HFM1: variants seen among roughly 807,000 people sequenced by gnomAD.
HFM1 encodes the protein helicase for meiosis 1, also known as probable ATP-dependent DNA helicase HFM1.
Under a neutral mutation model 192.1 loss-of-function variants are expected in HFM1, and 169 were observed. The observed-to-expected ratio is 0.88, with a 90% CI of 0.78 to 1.00. HFM1 has a LOEUF of 1.00. Among genes scored for constraint, HFM1 ranks in the 50% least tolerant of loss-of-function variants. HFM1 has a pLI of 0.00. For synonymous variants in HFM1, 525 were observed against 537.8 expected, an observed-to-expected ratio of 0.98 and a Z score of 0.33; for missense variants, 1,661 against 1,668.0, an observed-to-expected ratio of 1.00 and a Z score of 0.07.
rs761574317 is a variant in HFM1, at chr1:91,378,150, T to G, written c.1270A>C (p.Thr424Pro). 1 of 1,607,268 alleles carries G rather than the reference T, an allele frequency of 6.2e-7. No homozygotes were observed. The highest frequency in any genetic ancestry group is 1.3e-5 in the African/African-American group (1 of 74,578). Residue 424 changes from threonine to proline, a missense_variant, in exon 11 of 39, where the codon ACT becomes CCT. Transcript: ENST00000370425. ...HIVKDENRGP[T>P]LEVVVSRMKT... is the part of the protein sequence containing the mutation. ...ATTCTGCTAACTACAACTTCAAGAG[T>G]TGGACCACGATTTTCATCTTTTACA...
chr1:91,265,114 C>T (rs867730899), intron 36 of HFM1, among the ~76,000 whole-genome samples: 11 of 152,282 alleles, frequency 7.2e-5, no homozygotes, highest in Admixed American at 1.3e-4. Flanking sequence ...CCACTCCCTA[C>T]GATTCACTCT....
intron 28 of HFM1, among the ~76,000 whole-genome samples, chr1:91,315,197 A>G (rs1651020925): frequency 6.6e-6 from 1 of 152,320 alleles, no homozygotes; most frequent in Non-Finnish European, 1.5e-5. Flanking sequence ...TCTCATACAA[A>G]TATTAAATAA....
chr1:91,390,266 T>C (rs564941213), intron 4 of HFM1, among the ~76,000 whole-genome samples: 1 of 151,952 alleles, frequency 6.6e-6, no homozygotes, highest in South Asian at 2.1e-4. Context: ...TGAAATTCCG[T>C]CTCTACTAAA....
At chr1:91,317,209 G>A (rs1326763762) in intron 25 of HFM1, among the ~76,000 whole-genome samples, 2 of 152,126 alleles carry the variant, frequency 1.3e-5, no homozygotes, top group Non-Finnish European at 2.9e-5. Context: ...GAGGTCGGGA[G>A]TTCGAGACCA....
At chr1:91,382,741 G>A (rs948554496) in intron 6 of HFM1, among the ~76,000 whole-genome samples, 1 of 152,140 alleles carries the variant, frequency 6.6e-6, no homozygotes, top group Non-Finnish European at 1.5e-5. Context: ...TTCACAAAAT[G>A]AATCTTTGAT....
At chr1:91,407,001 A>G (rs376838512), upstream of HFM1, among the ~76,000 whole-genome samples, 7 of 152,184 alleles carry the variant, frequency 4.6e-5, no homozygotes, top group South Asian at 6.2e-4. Context: ...TCCCACTAGA[A>G]GGCGCGCTTT....
intron 13 of HFM1, among the ~76,000 whole-genome samples, chr1:91,363,233 G>A (rs1274196757): frequency 6.6e-6 from 1 of 151,968 alleles, no homozygotes; most frequent in Non-Finnish European, 1.5e-5. Flanking sequence ...AATATCATGA[G>A]AGTAAATAGA....
chr1:91,370,279 C>A (rs1251083307), intron 13 of HFM1, among the ~76,000 whole-genome samples: 1 of 152,008 alleles, frequency 6.6e-6, no homozygotes, highest in Non-Finnish European at 1.5e-5. Flanking sequence ...CTGGCAGAGA[C>A]ACAACAAAAA....
intron 30 of HFM1, among the ~76,000 whole-genome samples, chr1:91,297,855 A>G (rs1647919193): frequency 6.6e-6 from 1 of 152,226 alleles, no homozygotes; most frequent in Non-Finnish European, 1.5e-5. Flanking sequence ...ACAGAGCAGA[A>G]AAACTGGAAA....
In HFM1 at chr1:91,264,363, T is replaced by TTTTTTTTTTTTTTTTTG. The variant is rs1665498458; in HGVS notation, c.3974+1653_3974+1654insCAAAAAAAAAAAAAAAA. Among the ~76,000 whole-genome samples the TTTTTTTTTTTTTTTTTG allele has an allele frequency of 2.9e-4, 14 of 48,508 alleles. No individual in the cohort carries two copies. The East Asian group carries it at 5.2e-3, about 18-fold the overall frequency. The allele number at this position is 48,508 out of a possible 152,430, so 31.8% of individuals were successfully genotyped here. A position where few individuals can be genotyped will look rare whatever the true frequency, so the allele number is the denominator to read the frequency against. ...CCAAGGGATACCACAAATTTAGTAT[T>TTTTTTTTTTTTTTTTTG]TTTTTTTTTTTTTTTTTTTTTTTTT... On this transcript the variant is annotated intron_variant, in intron 36 of 38. Coordinates refer to ENST00000370425, the MANE Select transcript of HFM1 (RefSeq NM_001017975.6).
Position 91,301,431 on chromosome 1 carries a change from T to A in HFM1, c.3391+11918A>T, listed in dbSNP as rs1308956507. On this transcript the variant is annotated intron_variant, in intron 30 of 38. Coordinates refer to ENST00000370425, the MANE Select transcript of HFM1 (RefSeq NM_001017975.6). ...CTTTCTTCACAGAATTGGAAAAAACTACTTTAAAGTTCACATGGAACCGAA... is the reference window on the plus strand; with the variant it reads ...CTTTCTTCACAGAATTGGAAAAAACAACTTTAAAGTTCACATGGAACCGAA... 1.8e-4 allele frequency among the ~76,000 whole-genome samples: 18 copies of A among 97,870 alleles called. 1 individual carries two copies. The highest frequency in any genetic ancestry group is 7.1e-4 in the African/African-American group (18 of 25,300). 64.2% of individuals were successfully genotyped at this position (97,870 alleles called of 152,430 possible). A position where few individuals can be genotyped will look rare whatever the true frequency, so the allele number is the denominator to read the frequency against.
In HFM1 at chr1:91,319,033, A is replaced by C. The variant is rs900491400; in HGVS notation, c.2812+45T>G. On this transcript the variant is annotated intron_variant, in intron 25 of 38. Transcript: ENST00000370425. ...ATTTTACTAACAGTGAATACAAAATAAATTGCAGACATGGCCAAACTGCCT... is the reference window on the plus strand; with the variant it reads ...ATTTTACTAACAGTGAATACAAAATCAATTGCAGACATGGCCAAACTGCCT... 6 of 1,534,502 alleles carry C rather than the reference A, an allele frequency of 3.9e-6. No homozygotes were observed. The Admixed American group carries it at 1.3e-4, about 34-fold the overall frequency.
intron 36 of HFM1, among the ~76,000 whole-genome samples, chr1:91,264,600 C>G (rs1454156120): frequency 6.6e-6 from 1 of 151,082 alleles, no homozygotes; most frequent in East Asian, 1.9e-4. Flanking sequence ...GTCTCGATCT[C>G]CTGACCTCGT....
chr1:91,347,299 A>G (rs1656269169), intron 19 of HFM1, 130 bp downstream of exon 19: 1 of 473,226 alleles, frequency 2.1e-6, no homozygotes, highest in African/African-American at 2.0e-5. Flanking sequence ...GAAATAGTTC[A>G]CATTATTTTT....
At chr1:91,284,923 G>C (rs531711511) in intron 30 of HFM1, among the ~76,000 whole-genome samples, 2 of 152,260 alleles carry the variant, frequency 1.3e-5, no homozygotes, top group African/African-American at 4.8e-5. Flanking sequence ...TTGATTTGCA[G>C]CTCCCATAAT....
At chr1:91,351,413 T>C (rs1023635528) in intron 17 of HFM1, 136 bp downstream of exon 17, 10 of 536,450 alleles carry the variant, frequency 1.9e-5, no homozygotes, top group African/African-American at 1.6e-4. Flanking sequence ...ACAAACTTTC[T>C]AGTTAAATAG....
chr1:91,279,277 A>G lies in HFM1; in HGVS notation c.3392-2215T>C, dbSNP rs75864448. ...ATAAACCTAACGTTCCTCAGACCCA[A>G]GTGTGTTCCTATTAGGCACTGACTG... On this transcript the variant is annotated intron_variant, in intron 30 of 38. Coordinates refer to ENST00000370425, the MANE Select transcript of HFM1 (RefSeq NM_001017975.6). 2.4e-3 allele frequency among the ~76,000 whole-genome samples: 359 copies of G among 152,200 alleles called. 1 individual carries two copies. Among genetic ancestry groups the G allele is most frequent in the African/African-American group, 8.0e-3 (331 of 41,518 alleles).
At position 91,262,315 on chromosome 1, in the gene HFM1, G is replaced by GT. The variant is rs759278255; in HGVS notation, c.4163dup (p.Asn1388LysfsTer8). ...CTTTTTTATAATTTGAAGAATTTGG[G>GT]TTTTTTTCAGAGAAAGTAAAGCATT... is the stretch of plus-strand genomic sequence containing the variant. On this transcript the variant is annotated frameshift_variant, in exon 38 of 39. Coordinates refer to ENST00000370425, the MANE Select transcript of HFM1 (RefSeq NM_001017975.6). LOFTEE classifies it high-confidence loss of function. The GT allele has an allele frequency of 1.4e-5, 22 of 1,533,884 alleles. No homozygotes were observed. The Admixed American group carries it at 1.8e-4, about 13-fold the overall frequency.
At chr1:91,276,202 T>C (rs2100772701) in intron 32 of HFM1, among the ~76,000 whole-genome samples, 1 of 152,304 alleles carries the variant, frequency 6.6e-6, no homozygotes, top group Middle Eastern at 3.4e-3. Flanking sequence ...CAATCACATC[T>C]ATTAGGAATC....
Sources: allele counts gnomAD v4.1 joint callset (sites outside exome capture counted in the v4.1 genomes callset), GRCh38; gene constraint gnomAD v4.1.1; transcripts MANE v1.5; gene names NCBI Gene and HGNC (gene_info 2026-07-23, HGNC 2026-07-21).